Variants in COMMD10 observed in about 807,000 individuals in gnomAD.
COMMD10 encodes the protein COMM domain containing 10, also known as COMM domain-containing protein 10.
Under a neutral mutation model 28.9 loss-of-function variants are expected in COMMD10, and 33 were observed. The ratio of observed to expected loss-of-function variants is 1.14; its 90% CI spans 0.87 to 1.53. The LOEUF (loss-of-function observed/expected upper bound fraction) is 1.53. COMMD10 is among the 40% of genes most tolerant of loss of function. The pLI is 0.00. For synonymous variants in COMMD10, 110 were observed against 81.7 expected (o/e 1.35, Z -1.87); for missense variants, 310 against 233.4 (o/e 1.33, Z -2.14).
intron 5 of COMMD10, among the ~76,000 whole-genome samples, chr5:116,181,402 A>G (rs1747953145): frequency 6.7e-6 from 1 of 150,242 alleles, no homozygotes; most frequent in African/African-American, 2.5e-5. Context: ...TGAAATAGTG[A>G]TACAATACAA....
chr5:116,259,530 T>C (rs1407897274), intron 5 of COMMD10, among the ~76,000 whole-genome samples: 2 of 151,642 alleles, frequency 1.3e-5, no homozygotes, highest in East Asian at 1.9e-4. Flanking sequence ...CTCAAGTGTT[T>C]GGTGATTTTT....
chr5:116,248,322 A>G (rs550754355), intron 5 of COMMD10, among the ~76,000 whole-genome samples: 6 of 151,944 alleles, frequency 3.9e-5, no homozygotes, highest in African/African-American at 9.7e-5. Context: ...ATGGATACAG[A>G]TGGAACTACA....
At chr5:116,275,884 A>G (rs1177619119) in intron 5 of COMMD10, among the ~76,000 whole-genome samples, 1 of 151,640 alleles carries the variant, frequency 6.6e-6, no homozygotes, top group Non-Finnish European at 1.5e-5. Context: ...TATAAGTAAT[A>G]TAAGTATCCC....
chr5:116,255,104 A>G (rs1036848274), intron 5 of COMMD10, among the ~76,000 whole-genome samples: 25 of 151,618 alleles, frequency 1.6e-4, no homozygotes, highest in Middle Eastern at 3.4e-3. Context: ...TGTTTTATCC[A>G]AGACTAGGAT....
intron 5 of COMMD10, among the ~76,000 whole-genome samples, chr5:116,195,476 T>G (rs1367994236): frequency 7.2e-5 from 11 of 152,086 alleles, no homozygotes; most frequent in Non-Finnish European, 1.6e-4. Flanking sequence ...GATACAAGAT[T>G]AATGTACACA....
At chr5:116,215,837 A>T (rs1410969515) in intron 5 of COMMD10, among the ~76,000 whole-genome samples, 1 of 150,612 alleles carries the variant, frequency 6.6e-6, no homozygotes, top group Non-Finnish European at 1.5e-5. Context: ...CTTGTAATCA[A>T]TGTGGAGTCT....
rs58372154 is a variant in COMMD10, at chr5:116,122,339, G to A, written c.400-11729G>A. Among the ~76,000 whole-genome samples, 1,367 of 152,102 alleles carry A rather than the reference G, an allele frequency of 9.0e-3. 19 individuals carry two copies. The highest frequency in any genetic ancestry group is 0.027 in the African/African-American group (1,108 of 41,522). On this transcript the variant is annotated intron_variant, in intron 4 of 6. Transcript: ENST00000274458. ...GGCCTCTGTTCTGTTCCATTGGTCT[G>A]TATCTCTGTTTTGGTACCAGTACCA...
chr5:116,153,325 G>A (rs1752598936), intron 5 of COMMD10, among the ~76,000 whole-genome samples: 1 of 151,948 alleles, frequency 6.6e-6, no homozygotes, highest in African/African-American at 2.4e-5. Context: ...AGGCTGAGGG[G>A]GCATCTGATT....
In COMMD10 at chr5:116,258,869, A is replaced by G. The variant is rs187062335; in HGVS notation, c.511-32648A>G. Reference sequence around the variant, plus strand: ...CCGAATCTACCTTTAGCTAAGGGAAATTTTCTTCTTTCATTTCTGTGATTG... The same window carrying G: ...CCGAATCTACCTTTAGCTAAGGGAAGTTTTCTTCTTTCATTTCTGTGATTG... On this transcript the variant is annotated intron_variant, in intron 5 of 6. Transcript: ENST00000274458. Among the ~76,000 whole-genome samples the G allele has an allele frequency of 9.9e-4, 150 of 151,082 alleles. 3 individuals are homozygous for G. The highest frequency in any genetic ancestry group is 3.6e-3 in the African/African-American group (146 of 40,922).
intron 5 of COMMD10, among the ~76,000 whole-genome samples, chr5:116,238,991 A>G (rs1210038432): frequency 6.6e-6 from 1 of 152,120 alleles, no homozygotes; most frequent in African/African-American, 2.4e-5. Flanking sequence ...CTAGCATAGT[A>G]GCAGCATGCT....
chr5:116,181,006 T>C (rs912600116), intron 5 of COMMD10, among the ~76,000 whole-genome samples: 2 of 152,024 alleles, frequency 1.3e-5, no homozygotes, highest in African/African-American at 2.4e-5. Context: ...TACCTGGGCA[T>C]GATGACACAC....
intron 5 of COMMD10, among the ~76,000 whole-genome samples, chr5:116,291,215 A>C (rs1280960853): frequency 6.6e-6 from 1 of 152,228 alleles, no homozygotes; most frequent in East Asian, 1.9e-4. Flanking sequence ...ATATAATCTC[A>C]TGTATTATCT....
chr5:116,233,849 G>A (rs1218587221), intron 5 of COMMD10, among the ~76,000 whole-genome samples: 1 of 152,096 alleles, frequency 6.6e-6, no homozygotes, highest in African/African-American at 2.4e-5. Context: ...GCCATTGTTA[G>A]GATTTTAGCT....
chr5:116,159,383 A>G (rs79396957), intron 5 of COMMD10, among the ~76,000 whole-genome samples: 1 of 152,298 alleles, frequency 6.6e-6, no homozygotes, highest in African/African-American at 2.4e-5. Context: ...CTAGATATAC[A>G]CATGGATTGC....
intron 5 of COMMD10, among the ~76,000 whole-genome samples, chr5:116,275,806 G>C (rs1750894246): frequency 6.6e-6 from 1 of 151,446 alleles, no homozygotes; most frequent in Non-Finnish European, 1.5e-5. Context: ...TAAATCATAA[G>C]GCATAAACTG....
intron 5 of COMMD10, among the ~76,000 whole-genome samples, chr5:116,141,854 C>CT (rs1169567385): frequency 2.0e-5 from 3 of 151,862 alleles, no homozygotes; most frequent in Non-Finnish European, 4.4e-5. Context: ...GTTCATTTAA[C>CT]TTTTTTGTGG....
chr5:116,282,950 T>G (rs534460335), intron 5 of COMMD10, among the ~76,000 whole-genome samples: 2 of 152,056 alleles, frequency 1.3e-5, no homozygotes, highest in East Asian at 1.9e-4. Flanking sequence ...GGAATAAACA[T>G]GTACACATAG....
intron 4 of COMMD10, among the ~76,000 whole-genome samples, chr5:116,129,913 A>G (rs1400215960): frequency 2.0e-5 from 3 of 150,144 alleles, no homozygotes; most frequent in Non-Finnish European, 3.0e-5. Flanking sequence ...TATATTTTCT[A>G]TTCATTTAAG....
chr5:116,169,259 A>G (rs149632732), intron 5 of COMMD10, among the ~76,000 whole-genome samples: 48 of 152,322 alleles, frequency 3.2e-4, no homozygotes, highest in Non-Finnish European at 5.3e-4. Context: ...AGAAATGGAT[A>G]CATTCCTGTA....
Sources: allele counts gnomAD v4.1 joint callset (sites outside exome capture counted in the v4.1 genomes callset), GRCh38; gene constraint gnomAD v4.1.1; transcripts MANE v1.5; gene names NCBI Gene and HGNC (gene_info 2026-07-23, HGNC 2026-07-21).